EPOR: variants seen among roughly 807,000 people sequenced by gnomAD.
EPOR encodes the protein erythropoietin receptor.
Under a neutral mutation model 34.3 loss-of-function variants are expected in EPOR, and 20 were observed. The ratio of observed to expected loss-of-function variants is 0.58; its 90% CI spans 0.41 to 0.85. EPOR has a LOEUF of 0.85. EPOR is among the 40% of genes least tolerant of loss of function. EPOR has a pLI of 0.00. For missense variants in EPOR, 601 were observed against 672.7 expected (o/e 0.89, Z 1.18); for synonymous variants, 312 against 299.0 (o/e 1.04, Z -0.45).
intron 6 of EPOR, among the ~76,000 whole-genome samples, chr19:11,379,186 A>T (rs318717): frequency 0.012 from 1,865 of 152,252 alleles, 44 homozygotes; most frequent in African/African-American, 0.042. Flanking sequence ...AAAATAAATT[A>T]AAAAACCCAA....
chr19:11,381,641 G>A lies in EPOR; in HGVS notation c.585+51C>T. 6.4e-7 allele frequency: 1 copy of A among 1,551,786 alleles called. No homozygotes were observed. Among genetic ancestry groups the A allele is most frequent in the Non-Finnish European group, 8.7e-7 (1 of 1,145,742 alleles). On this transcript the variant is annotated intron_variant, in intron 4 of 7. Transcript: ENST00000222139. The surrounding 1 kb of genome is among the most constrained non-coding windows in gnomAD (Gnocchi z 5.3). ...GGGCGCGACCTCGAGAGGCGTGGCT[G>A]GGCCGTAGTCAGTGGAGCTTTGGGG...
intron 2 of EPOR, among the ~76,000 whole-genome samples, chr19:11,382,481 A>G (rs1968376299): frequency 6.6e-6 from 1 of 150,508 alleles, no homozygotes. Context: ...CTCCTGCCTC[A>G]GCCTCCCGAG....
chr19:11,381,782 G>C lies in EPOR; in HGVS notation c.495C>G (p.Arg165=), dbSNP rs746110354. The C allele has an allele frequency of 1.2e-6, 2 of 1,613,628 alleles. No individual in the cohort carries two copies. Among genetic ancestry groups the C allele is most frequent in the Non-Finnish European group, 8.5e-7 (1 of 1,179,816 alleles). Residue 165 remains arginine, a synonymous_variant, in exon 4 of 8, where the codon CGC becomes CGG. Coordinates refer to ENST00000222139, the MANE Select transcript of EPOR (RefSeq NM_000121.4). This position sits in a 1 kb window ranked among gnomAD's most constrained non-coding sequence, Gnocchi z 5.3. The stretch of plus-strand genomic sequence containing the variant: ...TGGGTGTCTCAGGCGGCGGGAGCCA[G>C]CGCAACACTACGTGGCCGCTCTCGT... ...LADESGHVVL[R]WLPPPETPMT...
rs1486128946 is a variant in EPOR, at chr19:11,381,348, A to T, written c.586-139T>A. ...CAATGGGACCAATAAGAGTAGGGGG[A>T]GGAGCCCAAGAAAGCTCAGGGCCAA... On this transcript the variant is annotated intron_variant, in intron 4 of 7. Transcript: ENST00000222139. This position sits in a 1 kb window ranked among gnomAD's most constrained non-coding sequence, Gnocchi z 5.3. The T allele has an allele frequency of 1.0e-6, 1 of 954,696 alleles. No individual in the cohort carries two copies. The highest frequency in any genetic ancestry group is 1.5e-5 in the South Asian group (1 of 68,524). The allele number at this position is 954,696 out of a possible 1,614,324, so 59.1% of individuals were successfully genotyped here.
At chr19:11,384,004 C>T (rs996674475) in intron 1 of EPOR, 89 bp downstream of exon 1, 27 of 817,964 alleles carry the variant, frequency 3.3e-5, no homozygotes, top group Non-Finnish European at 5.1e-5. Context: ...CAGAAACAGG[C>T]ATGGCCCCCA....
chr19:11,381,589 T>A lies in EPOR; in HGVS notation c.585+103A>T, dbSNP rs1489089626. 1 of 1,236,842 alleles carries A rather than the reference T, an allele frequency of 8.1e-7. No homozygotes were observed. The highest frequency in any genetic ancestry group is 2.1e-5 in the Admixed American group (1 of 47,756). The allele number at this position is 1,236,842 out of a possible 1,614,324, so 76.6% of individuals were successfully genotyped here. On this transcript the variant is annotated intron_variant, in intron 4 of 7. Transcript: ENST00000222139. This position sits in a 1 kb window ranked among gnomAD's most constrained non-coding sequence, Gnocchi z 5.3. ...CACCAGGGTAATGGGATGTGGGATG[T>A]TACGGACCGGCCCTGAAAGCGGCAC...
chr19:11,383,346 C>T lies in EPOR; in HGVS notation c.116-114G>A, dbSNP rs975339956. 3 of 1,091,814 alleles carry T rather than the reference C, an allele frequency of 2.7e-6. No homozygotes were observed. In the African/African-American group the frequency reaches 4.7e-5, roughly 17 times the overall value. 67.6% of individuals were successfully genotyped at this position (1,091,814 alleles called of 1,614,324 possible). A position where few individuals can be genotyped will look rare whatever the true frequency, so the allele number is the denominator to read the frequency against. On this transcript the variant is annotated intron_variant, in intron 1 of 7. Transcript: ENST00000222139. This position sits in a 1 kb window ranked among gnomAD's most constrained non-coding sequence, Gnocchi z 4.9. ...GGACCCGATAAGAAAAAAGCCCCGC[C>T]CTGCCATCTTCCCAAGCGGGTCCCT...
chr19:11,380,735 TGG>T, intron 6 of EPOR, 147 bp downstream of exon 6: 1 of 687,852 alleles, frequency 1.5e-6, no homozygotes. Context: ...GGGTCTAGTC[TGG>T]CATGCATCCC....
At chr19:11,380,855 T>A in intron 6 of EPOR, 29 bp downstream of exon 6, 1 of 1,530,658 alleles carries the variant, frequency 6.5e-7, no homozygotes, top group Non-Finnish European at 8.9e-7. Flanking sequence ...GGGAGGAGTC[T>A]GGGCCCAGCG....
rs1326127446 is a variant in EPOR at position 11,383,959 on chromosome 19, T to C, written c.115+134A>G. On this transcript the variant is annotated intron_variant, in intron 1 of 7. Transcript: ENST00000222139. The surrounding 1 kb of genome is among the most constrained non-coding windows in gnomAD (Gnocchi z 4.9). ...CCAGGACCCAGTCTAAGGGTTCAGA[T>C]GCCAGCTTGGCCCCCAGGACCCGGT... 2.2e-6 allele frequency: 1 copy of C among 447,224 alleles called. No individual in the cohort carries two copies. The highest frequency in any genetic ancestry group is 4.3e-6 in the Non-Finnish European group (1 of 232,856). 27.7% of individuals were successfully genotyped at this position (447,224 alleles called of 1,614,324 possible).
chr19:11,383,917 C>A lies in EPOR; in HGVS notation c.115+176G>T, dbSNP rs540661889. Among the ~76,000 whole-genome samples, 140 of 136,770 alleles carry A rather than the reference C, an allele frequency of 1.0e-3. No homozygotes were observed. The highest frequency in any genetic ancestry group is 3.6e-3 in the African/African-American group (135 of 37,950). The allele number at this position is 136,770 out of a possible 152,430, so 89.7% of individuals were successfully genotyped here. A position where few individuals can be genotyped will look rare whatever the true frequency, so the allele number is the denominator to read the frequency against. ...GAGTCTTGGATCCTAACATACCCCACCCCGCCCCCCACCCATCCAGGACCC... is the reference window on the plus strand; with the variant it reads ...GAGTCTTGGATCCTAACATACCCCAACCCGCCCCCCACCCATCCAGGACCC... On this transcript the variant is annotated intron_variant, in intron 1 of 7. Transcript: ENST00000222139. The surrounding 1 kb of genome is among the most constrained non-coding windows in gnomAD (Gnocchi z 4.9).
Position 11,378,451 on chromosome 19 carries a change from G to C in EPOR, c.1060C>G (p.Pro354Ala). ...AVEPGTDDEG[P>A]LLEPVGSEHA... ...TCACTGCCCACTGGCTCCAGCAGGGGGCCCTCATCATCTGTCCCCGGCTCC... is the reference window on the plus strand; with the variant it reads ...TCACTGCCCACTGGCTCCAGCAGGGCGCCCTCATCATCTGTCCCCGGCTCC... Residue 354 changes from proline to alanine, a missense_variant, in exon 8 of 8, where the codon CCC (proline) becomes GCC (alanine). Transcript: ENST00000222139. The surrounding 1 kb of genome is among the most constrained non-coding windows in gnomAD (Gnocchi z 5.3). 1.2e-6 allele frequency: 2 copies of C among 1,614,110 alleles called. No individual in the cohort carries two copies. Among genetic ancestry groups the C allele is most frequent in the Non-Finnish European group, 1.7e-6 (2 of 1,180,008 alleles).
Position 11,378,586 on chromosome 19 carries a change from A to G in EPOR, c.925T>C (p.Tyr309His), listed in dbSNP as rs1265137403. 1 of 1,614,170 alleles carries G rather than the reference A, an allele frequency of 6.2e-7. No individual in the cohort carries two copies. The highest frequency in any genetic ancestry group is 8.5e-7 in the Non-Finnish European group (1 of 1,180,020). The change falls in exon 8 of 8, where the codon TAC becomes CAC. Residue 309 changes from tyrosine to histidine, a missense_variant. Transcript: ENST00000222139. The surrounding 1 kb of genome is among the most constrained non-coding windows in gnomAD (Gnocchi z 5.3). Reference protein sequence around the residue: ...THKGNFQLWLYQNDGCLWWSP... With the variant: ...THKGNFQLWLHQNDGCLWWSP... The stretch of plus-strand genomic sequence containing the variant: ...CACCACAGGCAGCCATCATTCTGGT[A>G]CAGCCACAGCTGAAGAAATAGCACC...
intron 2 of EPOR, 43 bp from the exon 3 acceptor site, chr19:11,382,148 G>A: frequency 6.3e-7 from 1 of 1,579,928 alleles, no homozygotes; most frequent in Non-Finnish European, 8.7e-7. Context: ...GGGGGACCGG[G>A]GAGTTGGCAT....
intron 6 of EPOR, among the ~76,000 whole-genome samples, chr19:11,379,756 G>A (rs1968331730): frequency 1.3e-5 from 2 of 150,498 alleles, no homozygotes; most frequent in Non-Finnish European, 3.0e-5. Context: ...GCTGGAATGC[G>A]ATGGCACGAT....
chr19:11,383,275 T>C lies in EPOR; in HGVS notation c.116-43A>G, dbSNP rs1968390211. 16 of 1,529,958 alleles carry C rather than the reference T, an allele frequency of 1.0e-5. No individual in the cohort carries two copies. Among genetic ancestry groups the C allele is most frequent in the East Asian group, 9.1e-5 (4 of 44,144 alleles). 94.8% of individuals were successfully genotyped at this position (1,529,958 alleles called of 1,614,324 possible). A position where few individuals can be genotyped will look rare whatever the true frequency, so the allele number is the denominator to read the frequency against. ...AGGAAGGGCATGGGGGTCTGAGCTCTATCCTCGGGAGACAGCCCCCTCCTC... is the reference window on the plus strand; with the variant it reads ...AGGAAGGGCATGGGGGTCTGAGCTCCATCCTCGGGAGACAGCCCCCTCCTC... On this transcript the variant is annotated intron_variant, in intron 1 of 7. Transcript: ENST00000222139. The surrounding 1 kb of genome is among the most constrained non-coding windows in gnomAD (Gnocchi z 4.9).
Position 11,384,199 on chromosome 19 carries a change from G to A in EPOR, c.9C>T (p.His3=), listed in dbSNP as rs1437399546. The A allele has an allele frequency of 6.5e-7, 1 of 1,544,598 alleles. No homozygotes were observed. The highest frequency in any genetic ancestry group is 1.2e-5 in the South Asian group (1 of 83,972). The change falls in exon 1 of 8, where the codon CAC becomes CAT. Residue 3 remains histidine (H), a synonymous_variant. Transcript: ENST00000222139. ...CCTGGGGCCAGAGGGACGCCCCGAG[G>A]TGGTCCATGATACAGCCCCCGCCAC... The part of the protein sequence containing the change: MD[H]LGASLWPQVG...
At position 11,381,881 on chromosome 19, in the gene EPOR, G is replaced by C; in HGVS notation, c.428-32C>G. 2.5e-6 allele frequency: 4 copies of C among 1,614,230 alleles called. No homozygotes were observed. The highest frequency in any genetic ancestry group is 3.4e-6 in the Non-Finnish European group (4 of 1,180,020). On this transcript the variant is annotated intron_variant, in intron 3 of 7. Coordinates refer to ENST00000222139, the MANE Select transcript of EPOR (RefSeq NM_000121.4). This position sits in a 1 kb window ranked among gnomAD's most constrained non-coding sequence, Gnocchi z 5.3. The stretch of plus-strand genomic sequence containing the variant: ...GCATGGGGGTTGGTCAGGTGGGCGA[G>C]GACTGAGACCCTCTCCTCCGACCAC...
At position 11,378,049 on chromosome 19, in the gene EPOR, G is replaced by A. The variant is rs142094773; in HGVS notation, c.1462C>T (p.Pro488Ser). 4.8e-3 allele frequency: 7,741 copies of A among 1,614,162 alleles called. 71 individuals carry two copies. Among genetic ancestry groups the A allele is most frequent in the Admixed American group, 0.029 (1,732 of 60,014 alleles). The change falls in exon 8 of 8, where the codon CCT becomes TCT. Residue 488 changes from proline to serine, a missense_variant. By Grantham distance (74) the Pro-to-Ser change is moderately conservative (BLOSUM62 -1). Transcript: ENST00000222139. This position sits in a 1 kb window ranked among gnomAD's most constrained non-coding sequence, Gnocchi z 5.3. ...GGLSDGPYSN[P>S]YENSLIPAAE... The stretch of plus-strand genomic sequence containing the variant: ...GCTGGGATAAGGCTGTTCTCATAAG[G>A]GTTGGAGTAGGGGCCATCGGATAAG...
Sources: gnomAD v4.1 joint callset for allele counts (sites outside exome capture counted in the v4.1 genomes callset) on GRCh38, gnomAD v4.1.1 for gene constraint, Gnocchi (gnomAD v3.1) non-coding constraint, MANE v1.5 for transcripts, NCBI Gene and HGNC (gene_info 2026-07-23, HGNC 2026-07-21) for gene names.